The following AMBRA1 variants were observed in gnomAD, a reference collection of about 807,000 sequenced individuals.
AMBRA1 encodes the protein autophagy and beclin 1 regulator 1.
A neutral mutation model predicts 125.4 loss-of-function variants in AMBRA1; 47 were observed. That is an observed-to-expected ratio of 0.37 (90% confidence interval 0.30 to 0.48). The LOEUF is 0.48. AMBRA1 is among the 20% of genes least tolerant of loss of function. The pLI, the probability that AMBRA1 is intolerant of heterozygous loss-of-function variation, is 0.99. For synonymous variants in AMBRA1, 626 were observed against 655.5 expected (o/e 0.95, Z 0.69); for missense variants, 1,331 against 1,693.4 (o/e 0.79, Z 3.76).
intron 11 of AMBRA1, among the ~76,000 whole-genome samples, chr11:46,452,653 T>C (rs1376016620): frequency 1.3e-5 from 2 of 152,218 alleles, no homozygotes; most frequent in African/African-American, 4.8e-5. Context: ...GAAAGCTTCA[T>C]TCAAATGCAG....
intron 14 of AMBRA1, among the ~76,000 whole-genome samples, chr11:46,426,083 A>AG (rs1565145361): frequency 6.6e-6 from 1 of 152,062 alleles, no homozygotes; most frequent in Non-Finnish European, 1.5e-5. Flanking sequence ...AAAAAAAAAA[A>AG]AAAGAAAGAA....
intron 11 of AMBRA1, among the ~76,000 whole-genome samples, chr11:46,492,899 A>G (rs1371288821): frequency 6.6e-6 from 1 of 152,094 alleles, no homozygotes; most frequent in African/African-American, 2.4e-5. Context: ...AATACAAAAA[A>G]TTAGCTGGGC....
At chr11:46,577,821 A>G (rs2044012261) in intron 1 of AMBRA1, among the ~76,000 whole-genome samples, 1 of 151,996 alleles carries the variant, frequency 6.6e-6, no homozygotes, top group Non-Finnish European at 1.5e-5. Flanking sequence ...ATCGTGGTGC[A>G]TGCCTATAAT....
intron 5 of AMBRA1, among the ~76,000 whole-genome samples, chr11:46,544,904 G>C (rs1011824215): frequency 3.9e-5 from 6 of 152,040 alleles, no homozygotes; most frequent in Non-Finnish European, 8.8e-5. Context: ...ATCACTGAAG[G>C]CCAGTAGTTC....
At position 46,403,258 on chromosome 11, in the gene AMBRA1, C is replaced by A. The variant is rs564828222; in HGVS notation, c.3403+5255G>T. On this transcript the variant is annotated intron_variant, in intron 17 of 17. Transcript: ENST00000683756. ...GAGGGAACTGAGGCTCAGAGAGTCA[C>A]AGGAGGAGCTGCCCTTCCTGACCTC... Among the ~76,000 whole-genome samples the A allele has an allele frequency of 4.6e-5, 7 of 152,308 alleles. No homozygotes were observed. The East Asian group carries it at 7.7e-4, about 17-fold the overall frequency.
At chr11:46,459,772 A>C (rs963736823) in intron 11 of AMBRA1, among the ~76,000 whole-genome samples, 6 of 149,868 alleles carry the variant, frequency 4.0e-5, no homozygotes, top group African/African-American at 5.0e-5. Flanking sequence ...ACACACACAC[A>C]CACCCTGGAA....
At chr11:46,481,722 A>G (rs1208648841) in intron 11 of AMBRA1, among the ~76,000 whole-genome samples, 1 of 152,202 alleles carries the variant, frequency 6.6e-6, no homozygotes, top group African/African-American at 2.4e-5. Flanking sequence ...TTCTACCAAC[A>G]AAGAATCAGA....
chr11:46,561,005 A>T (rs1391717601), intron 1 of AMBRA1, among the ~76,000 whole-genome samples: 1 of 152,174 alleles, frequency 6.6e-6, no homozygotes, highest in Non-Finnish European at 1.5e-5. Flanking sequence ...TTCTCTGCAT[A>T]GTCTTTGAGA....
intron 12 of AMBRA1, among the ~76,000 whole-genome samples, chr11:46,441,359 C>A (rs1489699086): frequency 6.6e-6 from 1 of 151,900 alleles, no homozygotes; most frequent in Non-Finnish European, 1.5e-5. Context: ...GCTAAAAATA[C>A]AAAAATTAGC....
intron 11 of AMBRA1, among the ~76,000 whole-genome samples, chr11:46,444,116 T>C (rs1396576161): frequency 6.6e-6 from 1 of 152,216 alleles, no homozygotes; most frequent in African/African-American, 2.4e-5. Flanking sequence ...AGGCAGCTAC[T>C]ATACAGCTGA....
chr11:46,450,056 CAA>C (rs201819276), intron 11 of AMBRA1, among the ~76,000 whole-genome samples: 5 of 71,144 alleles, frequency 7.0e-5, no homozygotes, highest in African/African-American at 5.3e-5. Context: ...GAGACTGTCT[CAA>C]AAAAAAAAAA....
chr11:46,562,956 A>G (rs2043388517), intron 1 of AMBRA1, among the ~76,000 whole-genome samples: 1 of 151,852 alleles, frequency 6.6e-6, no homozygotes, highest in African/African-American at 2.4e-5. Flanking sequence ...ACATGCCACC[A>G]CACCTAATTT....
intron 12 of AMBRA1, among the ~76,000 whole-genome samples, chr11:46,436,564 C>T (rs1947728340): frequency 6.6e-6 from 1 of 152,214 alleles, no homozygotes; most frequent in African/African-American, 2.4e-5. Context: ...CTGGTCTAGC[C>T]TGTAAGGCTA....
Position 46,493,654 on chromosome 11 carries a change from T to C in AMBRA1, c.2475A>G (p.Gly825=). ...AAGAGTGAGTAGCCAAGCCAGGCTG[T>C]CCACGTTCATGAAAAATCCCAGCAT... ...LPYAGIFHER[G]QPGLATHSSV... Residue 825 remains glycine, a synonymous_variant, in exon 11 of 18, where the codon GGA becomes GGG. Coordinates refer to ENST00000683756, the MANE Select transcript of AMBRA1 (RefSeq NM_001387011.1). 2 of 1,604,626 alleles carry C rather than the reference T, an allele frequency of 1.2e-6. No individual in the cohort carries two copies. Among genetic ancestry groups the C allele is most frequent in the East Asian group, 4.5e-5 (2 of 44,518 alleles).
chr11:46,524,947 C>T (rs1011199210), intron 7 of AMBRA1, among the ~76,000 whole-genome samples: 3 of 152,140 alleles, frequency 2.0e-5, no homozygotes, highest in African/African-American at 4.8e-5. Context: ...TCCATCCAAC[C>T]GGTGATTCAA....
chr11:46,462,087 A>G (rs1188729152), intron 11 of AMBRA1, among the ~76,000 whole-genome samples: 1 of 152,186 alleles, frequency 6.6e-6, no homozygotes, highest in African/African-American at 2.4e-5. Context: ...GCAAATTTCT[A>G]GCTTTTACAA....
At chr11:46,450,298 A>C (rs1948515981) in intron 11 of AMBRA1, among the ~76,000 whole-genome samples, 1 of 152,226 alleles carries the variant, frequency 6.6e-6, no homozygotes, top group Non-Finnish European at 1.5e-5. Context: ...ACTAAATGAA[A>C]GAAGTCAAAG....
chr11:46,559,398 G>A (rs1251665135), intron 1 of AMBRA1, among the ~76,000 whole-genome samples: 2 of 152,100 alleles, frequency 1.3e-5, no homozygotes, highest in African/African-American at 2.4e-5. Flanking sequence ...CATTGATCAC[G>A]AGAGGGCCAG....
At chr11:46,514,467 G>A (rs1951393375) in intron 7 of AMBRA1, among the ~76,000 whole-genome samples, 1 of 152,186 alleles carries the variant, frequency 6.6e-6, no homozygotes, top group Non-Finnish European at 1.5e-5. Context: ...GAGGAAGAGA[G>A]GAAAGCAATA....
Sources: gnomAD v4.1 joint callset for allele counts (sites outside exome capture counted in the v4.1 genomes callset) on GRCh38, gnomAD v4.1.1 for gene constraint, MANE v1.5 for transcripts, NCBI Gene and HGNC (gene_info 2026-07-23, HGNC 2026-07-21) for gene names.